Variants in MAMDC2 observed in about 807,000 individuals in gnomAD.
MAMDC2 encodes the protein MAM domain-containing protein 2.
Under a neutral mutation model 89.8 loss-of-function variants are expected in MAMDC2, and 57 were observed. That is an observed-to-expected ratio of 0.63 (90% confidence interval 0.51 to 0.79). MAMDC2 has a LOEUF of 0.79. Ranked by LOEUF, MAMDC2 falls within the 30% of genes least tolerant of loss-of-function variation. The probability of loss-of-function intolerance (pLI) is 0.00; values close to 1 mark genes in which losing one functional copy is unlikely to be tolerated. For missense variants in MAMDC2, 800 were observed against 820.6 expected, an observed-to-expected ratio of 0.97 and a Z score of 0.31; for synonymous variants, 313 against 293.4, an observed-to-expected ratio of 1.07 and a Z score of -0.68.
chr9:70,195,518 GAAAT>G (rs555996654), intron 11 of MAMDC2, among the ~76,000 whole-genome samples: 23 of 152,222 alleles, frequency 1.5e-4, no homozygotes, highest in African/African-American at 3.1e-4. Flanking sequence ...GAAAATTCCA[GAAAT>G]AAATAATTCA....
intron 2 of MAMDC2, among the ~76,000 whole-genome samples, chr9:70,095,387 G>C (rs1385878688): frequency 6.6e-6 from 1 of 152,212 alleles, no homozygotes; most frequent in Non-Finnish European, 1.5e-5. Flanking sequence ...CCAGACAAAA[G>C]ATAGTTTTTG....
intron 9 of MAMDC2, 146 bp from the exon 10 acceptor site, chr9:70,168,556 C>G: frequency 3.3e-6 from 2 of 607,056 alleles, no homozygotes; most frequent in Non-Finnish European, 5.9e-6. Context: ...ATTCTTCTTC[C>G]TACTGTGTTC....
chr9:70,217,316 T>C (rs1054931321), intron 11 of MAMDC2: 30 of 1,386,932 alleles, frequency 2.2e-5, no homozygotes, highest in Non-Finnish European at 2.1e-6. Context: ...TCGGCATTCC[T>C]TTCCAAGAGG....
intron 2 of MAMDC2, among the ~76,000 whole-genome samples, chr9:70,068,022 C>T (rs1418486609): frequency 6.6e-6 from 1 of 152,136 alleles, no homozygotes; most frequent in African/African-American, 2.4e-5. Flanking sequence ...ATAAAGAGTC[C>T]TGTGTGGCTC....
chr9:70,102,295 G>A (rs1381161125), intron 2 of MAMDC2, among the ~76,000 whole-genome samples: 1 of 152,088 alleles, frequency 6.6e-6, no homozygotes, highest in African/African-American at 2.4e-5. Flanking sequence ...CCTGAGTAGG[G>A]TCCACTGTAC....
intron 11 of MAMDC2, among the ~76,000 whole-genome samples, chr9:70,179,223 T>G (rs749106967): frequency 4.0e-5 from 6 of 151,894 alleles, no homozygotes. Flanking sequence ...AATACTAAAA[T>G]GAGGTGGGGC....
At chr9:70,135,795 A>G (rs1373236305) in intron 7 of MAMDC2, among the ~76,000 whole-genome samples, 1 of 152,166 alleles carries the variant, frequency 6.6e-6, no homozygotes, top group Admixed American at 6.6e-5. Flanking sequence ...GGATTTGGAC[A>G]AATGTATAAT....
intron 2 of MAMDC2, among the ~76,000 whole-genome samples, chr9:70,091,464 A>T (rs1827899614): frequency 6.6e-6 from 1 of 152,218 alleles, no homozygotes; most frequent in South Asian, 2.1e-4. Context: ...ACAGATAAAG[A>T]ACTGGCCTGG....
chr9:70,069,318 T>C (rs535771377), intron 2 of MAMDC2, among the ~76,000 whole-genome samples: 11 of 152,360 alleles, frequency 7.2e-5, no homozygotes, highest in African/African-American at 2.4e-4. Flanking sequence ...ATAGTAATTA[T>C]ATTTATTATA....
intron 9 of MAMDC2, among the ~76,000 whole-genome samples, chr9:70,154,910 C>T (rs1228047099): frequency 6.6e-6 from 1 of 152,112 alleles, no homozygotes; most frequent in East Asian, 1.9e-4. Context: ...TTTTCCTATT[C>T]CCAAGAACCT....
At chr9:70,136,005 G>T (rs779270512) in intron 7 of MAMDC2, among the ~76,000 whole-genome samples, 1 of 152,056 alleles carries the variant, frequency 6.6e-6, no homozygotes, top group Non-Finnish European at 1.5e-5. Context: ...ACAAAAATTA[G>T]CCAGGCATGG....
Position 70,143,610 on chromosome 9 carries a change from C to A in MAMDC2, c.1195C>A (p.Leu399Ile), listed in dbSNP as rs2031298585. 6.2e-7 allele frequency: 1 copy of A among 1,614,158 alleles called. No homozygotes were observed. The part of the protein sequence containing the change: ...FTSQPGYIGR[L>I]YGPSLPGNLQ... Reference sequence around the variant, plus strand: ...ATCTCAGCCTGGCTACATTGGAAGGCTCTATGGGCCCTCCCTACCAGGAAA... The same window carrying A: ...ATCTCAGCCTGGCTACATTGGAAGGATCTATGGGCCCTCCCTACCAGGAAA... The change falls in exon 9 of 14, where the codon CTC becomes ATC. Residue 399 changes from leucine to isoleucine, a missense_variant. Coordinates refer to ENST00000377182, the MANE Select transcript of MAMDC2 (RefSeq NM_153267.5).
At chr9:70,210,725 T>C (rs907199714) in intron 11 of MAMDC2, among the ~76,000 whole-genome samples, 2 of 152,208 alleles carry the variant, frequency 1.3e-5, no homozygotes, top group South Asian at 2.1e-4. Flanking sequence ...CTTCCTAGCA[T>C]TGATGGTCTT....
chr9:70,163,229 CTTTTTTTT>C (rs66957093), intron 9 of MAMDC2, among the ~76,000 whole-genome samples: 5 of 125,128 alleles, frequency 4.0e-5, no homozygotes, highest in Non-Finnish European at 6.5e-5. Flanking sequence ...TTCTTTCTTT[CTTTTTTTT>C]TTTTTTTTTT....
chr9:70,226,102 A>G lies in MAMDC2; in HGVS notation c.*70A>G. ...TTCAATCAAAATGAAAACAAAGCAA[A>G]TGAATACTGGACAGTCTTAACAATT... On this transcript the variant is annotated 3_prime_UTR_variant, in exon 14 of 14. Coordinates refer to ENST00000377182, the MANE Select transcript of MAMDC2 (RefSeq NM_153267.5). 1.1e-6 allele frequency: 1 copy of G among 898,070 alleles called. No homozygotes were observed. The highest frequency in any genetic ancestry group is 1.7e-5 in the South Asian group (1 of 57,698). The allele number at this position is 898,070 out of a possible 1,614,324, so 55.6% of individuals were successfully genotyped here.
Position 70,043,975 on chromosome 9 carries a change from G to C in MAMDC2, c.-223G>C. 2 of 605,818 alleles carry C rather than the reference G, an allele frequency of 3.3e-6. No individual in the cohort carries two copies. Among genetic ancestry groups the C allele is most frequent in the Non-Finnish European group, 5.8e-6 (2 of 342,174 alleles). The allele number at this position is 605,818 out of a possible 1,614,324, so 37.5% of individuals were successfully genotyped here. ...TGACCTGAGGCTGCTGCTCAGCGCCGGGGCGCTGGCGCTCTCCATTCGAGC... is the reference window on the plus strand; with the variant it reads ...TGACCTGAGGCTGCTGCTCAGCGCCCGGGCGCTGGCGCTCTCCATTCGAGC... On this transcript the variant is annotated 5_prime_UTR_variant, in exon 1 of 14. Coordinates refer to ENST00000377182, the MANE Select transcript of MAMDC2 (RefSeq NM_153267.5).
chr9:70,102,327 T>C (rs1828217970), intron 2 of MAMDC2, among the ~76,000 whole-genome samples: 1 of 152,184 alleles, frequency 6.6e-6, no homozygotes, highest in Admixed American at 6.5e-5. Flanking sequence ...CCCAGCATGA[T>C]TATCACACCT....
At chr9:70,096,206 T>C (rs556932474) in intron 2 of MAMDC2, among the ~76,000 whole-genome samples, 1 of 152,032 alleles carries the variant, frequency 6.6e-6, no homozygotes, top group East Asian at 1.9e-4. Context: ...ACTGTAGAGA[T>C]GGGGTTTTGC....
chr9:70,069,751 G>A lies in MAMDC2; in HGVS notation c.148+25054G>A, dbSNP rs745941652. On this transcript the variant is annotated intron_variant, in intron 2 of 13. Coordinates refer to ENST00000377182, the MANE Select transcript of MAMDC2 (RefSeq NM_153267.5). ...TTAGCACCTGGGAGGGAATGGCTTT[G>A]CTTTCTGGAATTTCTTGCTCCTGAA... 2.0e-5 allele frequency among the ~76,000 whole-genome samples: 3 copies of A among 152,134 alleles called. 1 individual carries two copies. The East Asian group carries it at 5.8e-4, about 29-fold the overall frequency.
Sources: gnomAD v4.1 joint callset for allele counts (sites outside exome capture counted in the v4.1 genomes callset) on GRCh38, gnomAD v4.1.1 for gene constraint, MANE v1.5 for transcripts, NCBI Gene and HGNC (gene_info 2026-07-23, HGNC 2026-07-21) for gene names.